Variants in PKP1 observed in about 807,000 individuals in gnomAD.
The protein encoded by PKP1 is plakophilin 1.
Under a neutral mutation model 76.4 loss-of-function variants are expected in PKP1, and 27 were observed. The ratio of observed to expected loss-of-function variants is 0.35; its 90% CI spans 0.26 to 0.49. PKP1 has a LOEUF of 0.49. PKP1 is among the 20% of genes least tolerant of loss of function. PKP1 has a pLI of 0.99. For missense variants in PKP1, 964 were observed against 955.2 expected (o/e 1.01, Z -0.12); for synonymous variants, 404 against 384.2 (o/e 1.05, Z -0.60).
intron 11 of PKP1, 92 bp downstream of exon 11, chr1:201,325,219 G>C (rs552338227): frequency 2.3e-6 from 3 of 1,331,778 alleles, no homozygotes. Flanking sequence ...TCTCCATGGA[G>C]TAGGGGAAGC....
At chr1:201,328,605 G>T (rs1657218585) in intron 12 of PKP1, 157 bp from the exon 13 acceptor site, 1 of 716,814 alleles carries the variant, frequency 1.4e-6, no homozygotes, top group African/African-American at 1.7e-5. Flanking sequence ...TTGTTACACA[G>T]TTACTGAGGC....
chr1:201,283,608 A>T lies in PKP1; in HGVS notation c.-95A>T. 1 of 1,096,644 alleles carries T rather than the reference A, an allele frequency of 9.1e-7. No homozygotes were observed. Among genetic ancestry groups the T allele is most frequent in the Non-Finnish European group, 1.4e-6 (1 of 737,594 alleles). The allele number at this position is 1,096,644 out of a possible 1,614,324, so 67.9% of individuals were successfully genotyped here. ...TGGCCGTAGGGAGCCGCTGAGAGCG[A>T]GAAGAGCACGCTCCTGCCCGCCCGC... is the stretch of plus-strand genomic sequence containing the variant. On this transcript the variant is annotated 5_prime_UTR_variant, in exon 1 of 14. Coordinates refer to ENST00000367324, the MANE Select transcript of PKP1 (RefSeq NM_001005337.3).
chr1:201,314,556 G>T (rs1656668825), intron 3 of PKP1, among the ~76,000 whole-genome samples: 1 of 152,216 alleles, frequency 6.6e-6, no homozygotes, highest in African/African-American at 2.4e-5. Flanking sequence ...CACAACTCCT[G>T]TGCATACATG....
In PKP1 at chr1:201,324,531, C is replaced by G. The variant is rs775106393; in HGVS notation, c.1784C>G (p.Ala595Gly). The change falls in exon 10 of 14, where the codon GCC (alanine) becomes GGC (glycine). Residue 595 changes from alanine (A) to glycine (G), a missense_variant. Ala to Gly is a moderately conservative substitution (Grantham distance 60). Transcript: ENST00000367324. ...SGNSDVVRSG[A>G]SLLSNMSRHP... ...AACTCTGATGTGGTGCGGTCCGGAG[C>G]CTCCCTCCTGAGCAACATGTCCCGC... The G allele has an allele frequency of 1.2e-5, 20 of 1,614,008 alleles. No individual in the cohort carries two copies. The highest frequency in any genetic ancestry group is 3.3e-5 in the Admixed American group (2 of 60,006).
At chr1:201,306,314 G>A (rs2268158) in intron 2 of PKP1, among the ~76,000 whole-genome samples, 5,912 of 152,276 alleles carry the variant, frequency 0.039, 354 homozygotes, top group African/African-American at 0.13. Context: ...CCAGGTGTCG[G>A]CTAGGCGCTG....
At chr1:201,304,291 C>T (rs114342843) in intron 2 of PKP1, among the ~76,000 whole-genome samples, 87 of 152,304 alleles carry the variant, frequency 5.7e-4, no homozygotes, top group African/African-American at 2.0e-3. Context: ...GCTTCAGGTA[C>T]CAGCTTTAAC....
chr1:201,305,602 C>A (rs1656347387), intron 2 of PKP1, among the ~76,000 whole-genome samples: 2 of 152,332 alleles, frequency 1.3e-5, no homozygotes, highest in African/African-American at 2.4e-5. Context: ...CAGGTAAGCA[C>A]CTGCCCTTCA....
intron 1 of PKP1, 67 bp downstream of exon 1, chr1:201,283,971 C>A: frequency 7.1e-7 from 1 of 1,417,342 alleles, no homozygotes; most frequent in Non-Finnish European, 9.9e-7. Context: ...GTGGCGGGGA[C>A]CAAGAGACGC....
chr1:201,325,187 C>T (rs893573028), intron 11 of PKP1, 60 bp downstream of exon 11: 66 of 1,511,880 alleles, frequency 4.4e-5, no homozygotes, highest in Admixed American at 2.2e-4. Flanking sequence ...TCACCCTGCA[C>T]AGCAGGAAGC....
At chr1:201,322,159 G>T in intron 8 of PKP1, 26 bp downstream of exon 8, 13 of 1,604,810 alleles carry the variant, frequency 8.1e-6, no homozygotes, top group Non-Finnish European at 1.0e-5. Flanking sequence ...GCAGGGCGGG[G>T]CCTGCCCCAT....
At chr1:201,322,261 G>A in intron 8 of PKP1, 128 bp downstream of exon 8, 1 of 1,009,040 alleles carries the variant, frequency 9.9e-7, no homozygotes, top group Non-Finnish European at 1.4e-6. Flanking sequence ...GGCCCATGCT[G>A]ACACCTTGGC....
chr1:201,329,805 C>G (rs938318016), intron 13 of PKP1, among the ~76,000 whole-genome samples: 1 of 152,214 alleles, frequency 6.6e-6, no homozygotes, highest in Admixed American at 6.5e-5. Context: ...GAAAGAGATT[C>G]GGTTTGGCAA....
chr1:201,313,261 C>T lies in PKP1; in HGVS notation c.402C>T (p.Ser134=). The change falls in exon 3 of 14, where the codon AGC becomes AGT. Residue 134 remains serine, a synonymous_variant. Transcript: ENST00000367324. ...GGAGCCGGCACTACCCCCGGGGCAG[C>T]TGTAACACCACCGGCGCAGGCAGCG... ...ENWSRHYPRG[S]CNTTGAGSDI... The T allele has an allele frequency of 1.2e-6, 2 of 1,605,280 alleles. No individual in the cohort carries two copies. The highest frequency in any genetic ancestry group is 1.7e-6 in the Non-Finnish European group (2 of 1,176,366).
chr1:201,307,267 G>C (rs1361435316), intron 2 of PKP1, among the ~76,000 whole-genome samples: 1 of 152,188 alleles, frequency 6.6e-6, no homozygotes, highest in Non-Finnish European at 1.5e-5. Context: ...CAAGGCTTCT[G>C]AGCAATGGGG....
Position 201,283,690 on chromosome 1 carries a change from G to T in PKP1, c.-13G>T, listed in dbSNP as rs749174553. On this transcript the variant is annotated 5_prime_UTR_variant, in exon 1 of 14. Transcript: ENST00000367324. The stretch of plus-strand genomic sequence containing the variant: ...CCTAGGCCCCGGCCGCGCGCCACCC[G>T]CCTCCCGCCACCATGAACCACTCGC... 3 of 1,611,244 alleles carry T rather than the reference G, an allele frequency of 1.9e-6. No individual in the cohort carries two copies. The highest frequency in any genetic ancestry group is 2.2e-5 in the South Asian group (2 of 90,756).
In PKP1 at chr1:201,313,182, T is replaced by A; in HGVS notation, c.323T>A (p.Leu108His). 1 of 1,609,426 alleles carries A rather than the reference T, an allele frequency of 6.2e-7. No homozygotes were observed. Among genetic ancestry groups the A allele is most frequent in the Non-Finnish European group, 8.5e-7 (1 of 1,178,384 alleles). Residue 108 changes from leucine (L) to histidine (H), a missense_variant, in exon 3 of 14, where the codon CTC becomes CAC. By Grantham distance (99) the Leu-to-His change is moderately conservative. Transcript: ENST00000367324. Reference sequence around the variant, plus strand: ...CCTGGCCAGATCTACAATGGAACCCTCAAGCGGGAGCCTGACAACAGGCGC... The same window carrying A: ...CCTGGCCAGATCTACAATGGAACCCACAAGCGGGAGCCTGACAACAGGCGC... Reference protein sequence around the residue: ...SWGYPIYNGTLKREPDNRRFS... With the variant: ...SWGYPIYNGTHKREPDNRRFS...
intron 1 of PKP1, among the ~76,000 whole-genome samples, chr1:201,285,094 C>A (rs1655687946): frequency 6.6e-6 from 1 of 152,104 alleles, no homozygotes; most frequent in Admixed American, 6.5e-5. Flanking sequence ...GCTAATAAGA[C>A]TTTACCCATT....
Position 201,328,624 on chromosome 1 carries a change from G to A in PKP1, c.2107-138G>A, listed in dbSNP as rs549031441. ...TACACAGTTACTGAGGCCAGTTTTC[G>A]CCCTGACACATGTACTTAGTGATAA... On this transcript the variant is annotated intron_variant, in intron 12 of 13. Transcript: ENST00000367324. 217 of 767,050 alleles carry A rather than the reference G, an allele frequency of 2.8e-4. 7 individuals carry two copies. Among genetic ancestry groups the A allele is most frequent in the South Asian group, 2.0e-3 (143 of 71,316 alleles). 47.5% of individuals were successfully genotyped at this position (767,050 alleles called of 1,614,324 possible).
chr1:201,313,721 G>T (rs1230145755), intron 3 of PKP1, among the ~76,000 whole-genome samples, 161 bp downstream of exon 3: 1 of 152,236 alleles, frequency 6.6e-6, no homozygotes, highest in Admixed American at 6.5e-5. Context: ...CCCTAATGGG[G>T]AGAACCTGGC....
Sources: allele counts gnomAD v4.1 joint callset (sites outside exome capture counted in the v4.1 genomes callset), GRCh38; gene constraint gnomAD v4.1.1; transcripts MANE v1.5; gene names NCBI Gene and HGNC (gene_info 2026-07-23, HGNC 2026-07-21).